Variants in NRXN3 observed in about 807,000 individuals in gnomAD.
The protein encoded by NRXN3 is neurexin III.
In NRXN3, 32 loss-of-function variants were observed where a neutral mutation model predicts 137.6. That is an observed-to-expected ratio of 0.23 (90% CI 0.18 to 0.31). The LOEUF is 0.31. NRXN3 is among the 10% of genes least tolerant of loss of function. The probability of loss-of-function intolerance (pLI) is 1.00; values close to 1 mark genes in which losing one functional copy is unlikely to be tolerated. For missense variants in NRXN3, 1,574 were observed against 2,062.5 expected (o/e 0.76, Z 4.59); for synonymous variants, 798 against 784.5 (o/e 1.02, Z -0.29).
chr14:78,992,577 C>A (rs948359445), intron 15 of NRXN3, among the ~76,000 whole-genome samples: 1 of 152,198 alleles, frequency 6.6e-6, no homozygotes, highest in Admixed American at 6.5e-5. Flanking sequence ...AATATTGTCA[C>A]TGTCAGCCTG....
chr14:78,708,276 C>T (rs1265258407), intron 6 of NRXN3, among the ~76,000 whole-genome samples: 1 of 152,158 alleles, frequency 6.6e-6, no homozygotes, highest in East Asian at 1.9e-4. Context: ...AGGCAGAAAG[C>T]TCTGCTGGAC....
intron 4 of NRXN3, among the ~76,000 whole-genome samples, chr14:78,394,523 T>C (rs1051775542): frequency 1.3e-5 from 2 of 151,898 alleles, no homozygotes; most frequent in Admixed American, 6.6e-5. Flanking sequence ...AGGATATTGA[T>C]GTGTAGTTTT....
Position 79,710,933 on chromosome 14 carries a change from G to A in NRXN3, c.4014+12996G>A, listed in dbSNP as rs368642533. Among the ~76,000 whole-genome samples, 234 of 152,250 alleles carry A rather than the reference G, an allele frequency of 1.5e-3. 1 individual carries two copies. Among genetic ancestry groups the A allele is most frequent in the African/African-American group, 5.1e-3 (212 of 41,544 alleles). On this transcript the variant is annotated intron_variant, in intron 19 of 20. Transcript: ENST00000335750. ...TCTTAAATATTTTCAGACTACAAGCGGACTCACTTGCAGCCCAGTTTTTTA... is the reference window on the plus strand; with the variant it reads ...TCTTAAATATTTTCAGACTACAAGCAGACTCACTTGCAGCCCAGTTTTTTA...
At chr14:78,956,082 T>A (rs1009776297) in intron 10 of NRXN3, among the ~76,000 whole-genome samples, 2 of 152,184 alleles carry the variant, frequency 1.3e-5, no homozygotes, top group African/African-American at 4.8e-5. Context: ...ATTTCACATA[T>A]ATCCATAGGG....
chr14:79,190,022 G>A (rs1033929580), intron 15 of NRXN3, among the ~76,000 whole-genome samples: 7 of 152,118 alleles, frequency 4.6e-5, no homozygotes, highest in Non-Finnish European at 1.0e-4. Flanking sequence ...TTGGAATTGG[G>A]TGATATTGGA....
At chr14:78,369,021 G>A (rs928838789) in intron 4 of NRXN3, among the ~76,000 whole-genome samples, 1 of 152,166 alleles carries the variant, frequency 6.6e-6, no homozygotes, top group Admixed American at 6.5e-5. Context: ...CACTGAACTA[G>A]GAATCAGAGA....
At chr14:79,353,825 G>C (rs534661027) in intron 15 of NRXN3, among the ~76,000 whole-genome samples, 17 of 152,188 alleles carry the variant, frequency 1.1e-4, no homozygotes, top group African/African-American at 2.9e-4. Flanking sequence ...CTGTTGTTCA[G>C]AGTGACCTTT....
intron 15 of NRXN3, among the ~76,000 whole-genome samples, chr14:79,383,524 A>C (rs942113138): frequency 6.6e-6 from 1 of 152,172 alleles, no homozygotes; most frequent in African/African-American, 2.4e-5. Flanking sequence ...GTAAATTCCA[A>C]GAAACTTAGT....
chr14:78,224,748 G>GTGTTTT (rs1567008554), intron 1 of NRXN3, among the ~76,000 whole-genome samples: 1 of 78,748 alleles, frequency 1.3e-5, no homozygotes, highest in Non-Finnish European at 2.5e-5. Flanking sequence ...GTGTGCATGT[G>GTGTTTT]TCTTTTTTTT....
chr14:78,784,914 T>C (rs1361786843), intron 8 of NRXN3, among the ~76,000 whole-genome samples: 1 of 151,676 alleles, frequency 6.6e-6, no homozygotes, highest in African/African-American at 2.4e-5. Context: ...GAGCCAAGAG[T>C]GTATTCTATG....
At chr14:79,552,803 A>G (rs973754355) in intron 16 of NRXN3, among the ~76,000 whole-genome samples, 1 of 152,142 alleles carries the variant, frequency 6.6e-6, no homozygotes. Flanking sequence ...GTTTTATTAT[A>G]CAGATAAAGT....
chr14:79,024,159 A>G (rs1304031023), intron 15 of NRXN3, among the ~76,000 whole-genome samples: 1 of 152,136 alleles, frequency 6.6e-6, no homozygotes, highest in African/African-American at 2.4e-5. Context: ...GTGCAACTCA[A>G]GAAAATGACT....
intron 17 of NRXN3, among the ~76,000 whole-genome samples, chr14:79,685,240 A>C (rs751067753): frequency 1.3e-5 from 2 of 152,144 alleles, no homozygotes; most frequent in Admixed American, 6.5e-5. Flanking sequence ...ATTTCCTTTT[A>C]ATTCTCACCG....
At chr14:79,189,777 T>C (rs2064033312) in intron 15 of NRXN3, among the ~76,000 whole-genome samples, 1 of 152,190 alleles carries the variant, frequency 6.6e-6, no homozygotes, top group Non-Finnish European at 1.5e-5. Flanking sequence ...TCCTACATTA[T>C]TTCATGCATA....
chr14:79,753,251 C>T (rs1221999753), intron 19 of NRXN3, among the ~76,000 whole-genome samples: 1 of 151,866 alleles, frequency 6.6e-6, no homozygotes, highest in African/African-American at 2.4e-5. Flanking sequence ...AATCATGCTG[C>T]TATAAAGACA....
chr14:78,435,805 G>A (rs77674378), intron 4 of NRXN3, among the ~76,000 whole-genome samples: 3,974 of 152,304 alleles, frequency 0.026, 172 homozygotes, highest in African/African-American at 0.084. Context: ...CAGTGCCCAA[G>A]GCACAACATC....
intron 16 of NRXN3, among the ~76,000 whole-genome samples, chr14:79,644,067 T>C (rs1197986846): frequency 5.9e-5 from 8 of 135,852 alleles, no homozygotes; most frequent in African/African-American, 2.0e-4. Context: ...CTGATATTTA[T>C]TAATAATGAT....
intron 19 of NRXN3, among the ~76,000 whole-genome samples, chr14:79,785,726 CAA>C (rs1317001959): frequency 6.6e-6 from 1 of 151,986 alleles, no homozygotes; most frequent in Non-Finnish European, 1.5e-5. Flanking sequence ...GCATTAGCTC[CAA>C]AAAGAAAGGT....
chr14:79,570,339 C>T (rs1410474438), intron 16 of NRXN3, among the ~76,000 whole-genome samples: 1 of 152,164 alleles, frequency 6.6e-6, no homozygotes, highest in Non-Finnish European at 1.5e-5. Context: ...CCAGTAAACT[C>T]AACTGCCCAA....
Sources: gnomAD v4.1 joint callset for allele counts (sites outside exome capture counted in the v4.1 genomes callset) on GRCh38, gnomAD v4.1.1 for gene constraint, MANE v1.5 for transcripts, NCBI Gene and HGNC (gene_info 2026-07-23, HGNC 2026-07-21) for gene names.